The following CCBE1 variants were observed in gnomAD, a reference collection of about 807,000 sequenced individuals.
CCBE1 encodes the protein collagen and calcium binding EGF domains 1.
Under a neutral mutation model 50.0 loss-of-function variants are expected in CCBE1, and 37 were observed. That is an observed-to-expected ratio of 0.74 (90% CI 0.57 to 0.97). The LOEUF is 0.97. Among genes scored for constraint, CCBE1 ranks in the 50% least tolerant of loss-of-function variants. The pLI is 0.00. For synonymous variants in CCBE1, 234 were observed against 203.7 expected (o/e 1.15, Z -1.27); for missense variants, 538 against 523.8 (o/e 1.03, Z -0.26).
chr18:59,468,465 T>A (rs929861467), intron 4 of CCBE1, among the ~76,000 whole-genome samples: 14 of 152,160 alleles, frequency 9.2e-5, no homozygotes. Context: ...CTGAGCCTCA[T>A]GGAATGGCCT....
chr18:59,550,694 G>A (rs913377659), intron 2 of CCBE1, among the ~76,000 whole-genome samples: 3 of 152,146 alleles, frequency 2.0e-5, no homozygotes, highest in South Asian at 4.1e-4. Context: ...TTCTCTGAAG[G>A]TGTTTTGGAA....
intron 2 of CCBE1, among the ~76,000 whole-genome samples, chr18:59,546,427 G>A (rs1273842249): frequency 6.6e-6 from 1 of 152,196 alleles, no homozygotes; most frequent in Non-Finnish European, 1.5e-5. Context: ...CATAGCCCAA[G>A]CTGAGGCTTG....
intron 2 of CCBE1, among the ~76,000 whole-genome samples, chr18:59,535,808 C>T (rs1198782925): frequency 6.6e-6 from 1 of 152,110 alleles, no homozygotes; most frequent in African/African-American, 2.4e-5. Flanking sequence ...GAAAAACGTA[C>T]ATATATAAGG....
rs146141098 is a variant in CCBE1 at position 59,539,251 on chromosome 18, C to G, written c.213-59013G>C. ...AATAATGACAGACCGTGACTGCCAT[C>G]TTGCTGGCTCTCCCTGGGGCCTTGT... On this transcript the variant is annotated intron_variant, in intron 2 of 10. Transcript: ENST00000439986. 2.0e-4 allele frequency among the ~76,000 whole-genome samples: 31 copies of G among 152,194 alleles called. 1 individual carries two copies. In the East Asian group the frequency reaches 5.2e-3, roughly 26 times the overall value.
chr18:59,476,937 T>A (rs1488434035), intron 3 of CCBE1, among the ~76,000 whole-genome samples: 1 of 152,202 alleles, frequency 6.6e-6, no homozygotes, highest in African/African-American at 2.4e-5. Context: ...CCACTCACTG[T>A]TATCCCTACT....
chr18:59,447,859 T>C, intron 7 of CCBE1, 124 bp downstream of exon 7: 3 of 1,473,406 alleles, frequency 2.0e-6, no homozygotes, highest in Admixed American at 1.7e-5. Context: ...GGCAGTCCCA[T>C]GGACACCTGC....
At chr18:59,452,613 A>C (rs1910993752) in intron 6 of CCBE1, among the ~76,000 whole-genome samples, 1 of 151,968 alleles carries the variant, frequency 6.6e-6, no homozygotes, top group Non-Finnish European at 1.5e-5. Flanking sequence ...AAAAACAACA[A>C]AACCAACGGA....
intron 2 of CCBE1, among the ~76,000 whole-genome samples, chr18:59,605,978 C>CG (rs879898363): frequency 2.0e-5 from 3 of 152,248 alleles, no homozygotes; most frequent in African/African-American, 4.8e-5. Context: ...CTCGAATGTC[C>CG]GAACTGTAGA....
chr18:59,610,806 G>C (rs944056390), intron 2 of CCBE1, among the ~76,000 whole-genome samples: 1 of 152,240 alleles, frequency 6.6e-6, no homozygotes, highest in Non-Finnish European at 1.5e-5. Context: ...TCTTCACAGA[G>C]CCAGCTAGCA....
At chr18:59,608,777 C>A (rs1350309627) in intron 2 of CCBE1, among the ~76,000 whole-genome samples, 1 of 152,174 alleles carries the variant, frequency 6.6e-6, no homozygotes, top group Non-Finnish European at 1.5e-5. Flanking sequence ...AGTGTTCATG[C>A]CTCTCCTGTA....
At chr18:59,617,198 T>G (rs2053648532) in intron 2 of CCBE1, among the ~76,000 whole-genome samples, 3 of 152,224 alleles carry the variant, frequency 2.0e-5, no homozygotes, top group Admixed American at 2.0e-4. Context: ...TCATATGATT[T>G]GGGGTTGAAA....
At chr18:59,630,626 G>T (rs1404638381) in intron 2 of CCBE1, among the ~76,000 whole-genome samples, 1 of 152,228 alleles carries the variant, frequency 6.6e-6, no homozygotes, top group Non-Finnish European at 1.5e-5. Context: ...GGAAGGCTCA[G>T]CTGGGACTGT....
At chr18:59,465,123 T>C (rs568655243) in intron 5 of CCBE1, among the ~76,000 whole-genome samples, 89 of 152,302 alleles carry the variant, frequency 5.8e-4, no homozygotes, top group African/African-American at 2.0e-3. Context: ...CTGCCAGCCA[T>C]TGTCAATGGA....
chr18:59,516,480 G>A (rs991592816), intron 2 of CCBE1, among the ~76,000 whole-genome samples: 3 of 152,232 alleles, frequency 2.0e-5, no homozygotes, highest in African/African-American at 7.2e-5. Flanking sequence ...GCCAGTGTTT[G>A]TTGTTGCAAC....
intron 2 of CCBE1, among the ~76,000 whole-genome samples, chr18:59,584,530 T>A (rs958784537): frequency 6.6e-6 from 1 of 152,054 alleles, no homozygotes; most frequent in Non-Finnish European, 1.5e-5. Flanking sequence ...TAATCCTCAA[T>A]CTTTGAGGTG....
chr18:59,583,678 TGTGCGC>T (rs1267003887), intron 2 of CCBE1, among the ~76,000 whole-genome samples: 2,733 of 58,520 alleles, frequency 0.047, 28 homozygotes, highest in East Asian at 0.085. Flanking sequence ...TGTGTGTGTG[TGTGCGC>T]GCGCGCGCGC....
At chr18:59,522,608 C>G (rs1914646466) in intron 2 of CCBE1, among the ~76,000 whole-genome samples, 1 of 152,146 alleles carries the variant, frequency 6.6e-6, no homozygotes, top group African/African-American at 2.4e-5. Flanking sequence ...AGTTCAAAAA[C>G]AGTAACAAAT....
intron 2 of CCBE1, among the ~76,000 whole-genome samples, chr18:59,514,693 G>A (rs1035777327): frequency 7.1e-6 from 1 of 140,758 alleles, no homozygotes; most frequent in Non-Finnish European, 1.5e-5. Flanking sequence ...AGCGGCATCT[G>A]CTGACTTTAA....
chr18:59,600,514 A>G (rs565058819), intron 2 of CCBE1, among the ~76,000 whole-genome samples: 33 of 152,296 alleles, frequency 2.2e-4, no homozygotes, highest in African/African-American at 7.5e-4. Flanking sequence ...ATTGTCTTCT[A>G]CAGAACTGGT....
Sources: gnomAD v4.1 joint callset for allele counts (sites outside exome capture counted in the v4.1 genomes callset) on GRCh38, gnomAD v4.1.1 for gene constraint, MANE v1.5 for transcripts, NCBI Gene and HGNC (gene_info 2026-07-23, HGNC 2026-07-21) for gene names.